ALKBH8: variants seen among roughly 807,000 people sequenced by gnomAD.
ALKBH8 encodes alkB homolog 8, tRNA methyltransferase, also known as tRNA (carboxymethyluridine(34)-5-O)-methyltransferase ALKBH8.
ALKBH8 carries 36 observed loss-of-function variants against 59.8 expected under a neutral mutation model. That is an observed-to-expected ratio of 0.60 (90% confidence interval 0.46 to 0.79). The LOEUF is 0.79. Ranked by LOEUF, ALKBH8 falls within the 30% of genes least tolerant of loss-of-function variation. The probability of loss-of-function intolerance (pLI) is 0.00; values close to 1 mark genes in which losing one functional copy is unlikely to be tolerated. For synonymous variants in ALKBH8, 276 were observed against 273.6 expected, an observed-to-expected ratio of 1.01 and a Z score of -0.09; for missense variants, 768 against 801.0, an observed-to-expected ratio of 0.96 and a Z score of 0.50.
At chr11:107,547,347 T>G (rs1864303878) in intron 7 of ALKBH8, among the ~76,000 whole-genome samples, 1 of 152,144 alleles carries the variant, frequency 6.6e-6, no homozygotes, top group Admixed American at 6.5e-5. Context: ...GAGTGGAAAG[T>G]CATCTCTCTC....
Position 107,522,522 on chromosome 11 carries a change from T to G in ALKBH8, c.1064A>C (p.Glu355Ala). 6.4e-7 allele frequency: 1 copy of G among 1,551,660 alleles called. No individual in the cohort carries two copies. The highest frequency in any genetic ancestry group is 8.7e-7 in the Non-Finnish European group (1 of 1,146,948). Residue 355 changes from glutamate to alanine, a missense_variant, in exon 10 of 12, where the codon GAG (glutamate) becomes GCG (alanine). Coordinates refer to ENST00000428149, the MANE Select transcript of ALKBH8 (RefSeq NM_138775.3). ...YPLVCDSQRK[E>A]TPPSFPESDK... Reference sequence around the variant, plus strand: ...ACTCTCTGGAAATGAGGGGGGAGTCTCTTTCCTCTGGCTATCACAGACCAA... The same window carrying G: ...ACTCTCTGGAAATGAGGGGGGAGTCGCTTTCCTCTGGCTATCACAGACCAA...
chr11:107,518,628 A>AT (rs753519750), intron 10 of ALKBH8, among the ~76,000 whole-genome samples: 3 of 152,272 alleles, frequency 2.0e-5, no homozygotes, highest in Non-Finnish European at 4.4e-5. Flanking sequence ...CAATCTGTGC[A>AT]TTAAGGGCAT....
At chr11:107,525,671 T>G (rs1432145056) in intron 8 of ALKBH8, 79 bp from the exon 9 acceptor site, 3 of 1,009,324 alleles carry the variant, frequency 3.0e-6, no homozygotes, top group Admixed American at 3.8e-5. Flanking sequence ...GTTAAGTGAA[T>G]AGAGAAAATC....
In ALKBH8 at chr11:107,504,655, T is replaced by C. The variant is rs778348211; in HGVS notation, c.*3A>G. 7.8e-6 allele frequency: 12 copies of C among 1,544,184 alleles called. No individual in the cohort carries two copies. In the Admixed American group the frequency reaches 1.0e-4, roughly 13 times the overall value. ...TTTATATATGATGTGTTCAGGTAAA[T>C]AATCAGGCCTTTTGAAGAATCACAC... On this transcript the variant is annotated 3_prime_UTR_variant, in exon 12 of 12. Coordinates refer to ENST00000428149, the MANE Select transcript of ALKBH8 (RefSeq NM_138775.3).
chr11:107,529,430 T>G (rs1270088048), intron 8 of ALKBH8, among the ~76,000 whole-genome samples: 4 of 152,116 alleles, frequency 2.6e-5, no homozygotes, highest in Non-Finnish European at 5.9e-5. Flanking sequence ...GGATTAATTT[T>G]CATTTCAAAA....
intron 7 of ALKBH8, among the ~76,000 whole-genome samples, chr11:107,547,810 T>C (rs1314438603): frequency 6.6e-6 from 1 of 152,216 alleles, no homozygotes; most frequent in East Asian, 1.9e-4. Context: ...CAAAGATGGC[T>C]TTAACCAAAC....
At chr11:107,528,001 G>A (rs980964184) in intron 8 of ALKBH8, among the ~76,000 whole-genome samples, 3 of 151,976 alleles carry the variant, frequency 2.0e-5, no homozygotes, top group Non-Finnish European at 4.4e-5. Flanking sequence ...TCTTGTCCTA[G>A]TTTGCCGGGC....
intron 7 of ALKBH8, among the ~76,000 whole-genome samples, chr11:107,537,472 C>T (rs1403851591): frequency 6.6e-6 from 1 of 152,040 alleles, no homozygotes; most frequent in Non-Finnish European, 1.5e-5. Context: ...CCAAATACCA[C>T]ATGTTCTCAC....
chr11:107,559,002 C>T (rs1438991202), intron 2 of ALKBH8, among the ~76,000 whole-genome samples: 1 of 152,136 alleles, frequency 6.6e-6, no homozygotes, highest in East Asian at 1.9e-4. Context: ...TGGGAGGGAC[C>T]CACTGGGAAA....
intron 5 of ALKBH8, among the ~76,000 whole-genome samples, chr11:107,552,616 TAC>T (rs1864543429): frequency 1.3e-5 from 2 of 152,178 alleles, no homozygotes; most frequent in Non-Finnish European, 1.5e-5. Context: ...GGGAAGTAGG[TAC>T]ACATTTGGTG....
At chr11:107,533,199 C>A (rs1863668788) in intron 7 of ALKBH8, among the ~76,000 whole-genome samples, 1 of 152,032 alleles carries the variant, frequency 6.6e-6, no homozygotes, top group Non-Finnish European at 1.5e-5. Flanking sequence ...CAGCAGCTGA[C>A]AAATATGAAC....
chr11:107,514,423 C>A (rs551339045), intron 10 of ALKBH8, among the ~76,000 whole-genome samples: 1 of 152,016 alleles, frequency 6.6e-6, no homozygotes, highest in African/African-American at 2.4e-5. Flanking sequence ...TATATTTTAT[C>A]CTGGAGCTGC....
intron 11 of ALKBH8, among the ~76,000 whole-genome samples, chr11:107,508,378 G>C (rs1041256778): frequency 2.0e-5 from 3 of 152,000 alleles, no homozygotes; most frequent in Non-Finnish European, 2.9e-5. Flanking sequence ...TTGCTTTGTT[G>C]GCCAGTCTGG....
intron 9 of ALKBH8, among the ~76,000 whole-genome samples, chr11:107,523,927 T>C (rs1028499928): frequency 2.6e-5 from 4 of 151,994 alleles, no homozygotes; most frequent in Non-Finnish European, 5.9e-5. Flanking sequence ...AGTGTTCTCA[T>C]CACAAAAAAG....
In ALKBH8 at chr11:107,522,500, CT is replaced by C. The variant is rs1181798045; in HGVS notation, c.1085del (p.Glu362GlyfsTer40). On this transcript the variant is annotated frameshift_variant, in exon 10 of 12. Transcript: ENST00000428149. LOFTEE classifies it high-confidence loss of function. ...QRKETPPSFP[E>X]SDKEASRLEQ... is the part of the protein sequence containing the mutation. The stretch of plus-strand genomic sequence containing the variant: ...CCAGCCGTGAGGCTTCTTTATCACT[CT>C]CTGGAAATGAGGGGGGAGTCTCTTT... 1 of 1,551,532 alleles carries C rather than the reference CT, an allele frequency of 6.4e-7. No individual in the cohort carries two copies. The highest frequency in any genetic ancestry group is 8.7e-7 in the Non-Finnish European group (1 of 1,146,974).
Position 107,556,987 on chromosome 11 carries a change from T to C in ALKBH8, c.146A>G (p.Asn49Ser), listed in dbSNP as rs116578571. The change falls in exon 3 of 12, where the codon AAT becomes AGT. Residue 49 changes from asparagine (N) to serine (S), a missense_variant. Physicochemically the swap from Asn to Ser is conservative, Grantham distance 46 (BLOSUM62 1). Coordinates refer to ENST00000428149, the MANE Select transcript of ALKBH8 (RefSeq NM_138775.3). ...ACTCACACCATTACCCAAACCACCA[T>C]TGGCAACAACCAGGCTCTTAAAAAA... is the stretch of plus-strand genomic sequence containing the variant. Reference protein sequence around the residue: ...SYATQSLVVANGGLGNGVSRN... With the variant: ...SYATQSLVVASGGLGNGVSRN... 1,186 of 1,585,984 alleles carry C rather than the reference T, an allele frequency of 7.5e-4. 11 individuals are homozygous for C. The African/African-American group carries it at 0.014, about 18-fold the overall frequency.
intron 10 of ALKBH8, 60 bp downstream of exon 10, chr11:107,522,235 GAAGA>G (rs1462844055): frequency 6.6e-7 from 1 of 1,511,600 alleles, no homozygotes; most frequent in Non-Finnish European, 8.9e-7. Context: ...ATATCATGAG[GAAGA>G]AAGATGATGA....
intron 10 of ALKBH8, among the ~76,000 whole-genome samples, chr11:107,518,234 G>C (rs1015835311): frequency 6.6e-6 from 1 of 152,102 alleles, no homozygotes; most frequent in Non-Finnish European, 1.5e-5. Context: ...TTACAATAAG[G>C]TGATAGGATT....
chr11:107,518,164 A>G (rs1334144974), intron 10 of ALKBH8, among the ~76,000 whole-genome samples: 1 of 152,220 alleles, frequency 6.6e-6, no homozygotes. Flanking sequence ...GAGTTATCAA[A>G]TTATTGCACA....
Sources: gnomAD v4.1 joint callset for allele counts (sites outside exome capture counted in the v4.1 genomes callset) on GRCh38, gnomAD v4.1.1 for gene constraint, MANE v1.5 for transcripts, NCBI Gene and HGNC (gene_info 2026-07-23, HGNC 2026-07-21) for gene names.